Variants in DIPK1A observed in about 807,000 individuals in gnomAD.
DIPK1A encodes family with sequence similarity 69 member A.
DIPK1A carries 27 observed loss-of-function variants against 40.8 expected under a neutral mutation model. That is an observed-to-expected ratio of 0.66 (90% CI 0.49 to 0.91). The LOEUF (loss-of-function observed/expected upper bound fraction) is 0.91. Ranked by LOEUF, DIPK1A falls within the 40% of genes least tolerant of loss-of-function variation. DIPK1A has a pLI of 0.00. For synonymous variants in DIPK1A, 166 were observed against 171.3 expected (o/e 0.97, Z 0.24); for missense variants, 412 against 505.7 (o/e 0.81, Z 1.78).
At chr1:92,877,876 A>G (rs1553127616) in intron 1 of DIPK1A, among the ~76,000 whole-genome samples, 1 of 152,238 alleles carries the variant, frequency 6.6e-6, no homozygotes, top group Non-Finnish European at 1.5e-5. Flanking sequence ...GTGAACCTAA[A>G]TAAGATTAAA....
chr1:92,836,486 A>G (rs1436712742), intron 4 of DIPK1A: 4 of 1,120,070 alleles, frequency 3.6e-6, no homozygotes, highest in East Asian at 2.4e-5. Flanking sequence ...TAAAGTAGCT[A>G]TCAATTGAAT....
At chr1:92,881,172 CAAAAAA>C (rs71094212) in intron 1 of DIPK1A, among the ~76,000 whole-genome samples, 4 of 50,706 alleles carry the variant, frequency 7.9e-5, no homozygotes, top group East Asian at 6.3e-4. Flanking sequence ...GACTCGGTCT[CAAAAAA>C]AAAAAAAAAA....
At chr1:92,839,251 C>T (rs998540827), downstream of DIPK1A, among the ~76,000 whole-genome samples, 2 of 152,004 alleles carry the variant, frequency 1.3e-5, no homozygotes, top group East Asian at 1.9e-4. Context: ...CCCAGCGACT[C>T]GGGAGGCTGA....
chr1:92,944,964 C>G (rs181203985), intron 1 of DIPK1A, among the ~76,000 whole-genome samples: 1 of 151,954 alleles, frequency 6.6e-6, no homozygotes, highest in East Asian at 1.9e-4. Context: ...TGAAAGCACT[C>G]GAAAAGTTTA....
At chr1:92,834,445 GC>G (rs1687038172) in intron 4 of DIPK1A, among the ~76,000 whole-genome samples, 1 of 152,154 alleles carries the variant, frequency 6.6e-6, no homozygotes, top group African/African-American at 2.4e-5. Context: ...ATATTTTGCA[GC>G]AGGTAGGCAC....
At chr1:92,865,237 C>T (rs1309107659) in intron 2 of DIPK1A, among the ~76,000 whole-genome samples, 1 of 151,518 alleles carries the variant, frequency 6.6e-6, no homozygotes, top group Non-Finnish European at 1.5e-5. Context: ...GTAGCTCATG[C>T]CTGTAGTCTC....
At chr1:92,860,717 G>C (rs1647224621) in intron 2 of DIPK1A, among the ~76,000 whole-genome samples, 1 of 150,524 alleles carries the variant, frequency 6.6e-6, no homozygotes, top group Non-Finnish European at 1.5e-5. Flanking sequence ...CCAGGAGGAG[G>C]AGGTTGTAGT....
intron 1 of DIPK1A, among the ~76,000 whole-genome samples, chr1:92,914,163 T>C (rs1649950321): frequency 6.6e-6 from 1 of 151,008 alleles, no homozygotes. Context: ...GAGAAACAGG[T>C]ACCTAAAACA....
intron 1 of DIPK1A, among the ~76,000 whole-genome samples, chr1:92,955,480 C>T (rs913922007): frequency 4.6e-5 from 7 of 151,788 alleles, no homozygotes; most frequent in Non-Finnish European, 8.8e-5. Flanking sequence ...AGGCAGATCA[C>T]GAGGTCAGGA....
At chr1:92,837,048 T>G in intron 4 of DIPK1A, 3 of 286,604 alleles carry the variant, frequency 1.0e-5, no homozygotes, top group South Asian at 1.0e-4. Flanking sequence ...GTGGGGGGAG[T>G]TAGTTGCAAG....
intron 1 of DIPK1A, among the ~76,000 whole-genome samples, chr1:92,941,214 G>T (rs1195130065): frequency 6.6e-6 from 1 of 152,126 alleles, no homozygotes; most frequent in Non-Finnish European, 1.5e-5. Context: ...AATGAAATAG[G>T]ACTCAGCTAT....
intron 1 of DIPK1A, among the ~76,000 whole-genome samples, chr1:92,926,694 C>T (rs1650524951): frequency 6.6e-6 from 1 of 152,188 alleles, no homozygotes; most frequent in Non-Finnish European, 1.5e-5. Context: ...GCTAATTAGG[C>T]ATACATACAT....
At chr1:92,922,820 T>C (rs1463494938) in intron 1 of DIPK1A, among the ~76,000 whole-genome samples, 1 of 152,164 alleles carries the variant, frequency 6.6e-6, no homozygotes. Context: ...CAACACTCTC[T>C]AGTCACAACC....
At chr1:92,927,155 C>T (rs1219103695) in intron 1 of DIPK1A, among the ~76,000 whole-genome samples, 2 of 152,010 alleles carry the variant, frequency 1.3e-5, no homozygotes, top group African/African-American at 4.8e-5. Context: ...ATACAATTCA[C>T]CCATTTAAAG....
At chr1:92,959,810 T>C (rs1008449076) in intron 1 of DIPK1A, among the ~76,000 whole-genome samples, 1 of 149,568 alleles carries the variant, frequency 6.7e-6, no homozygotes, top group African/African-American at 2.5e-5. Context: ...TGCAGTGGCG[T>C]GATCTCAGCT....
intron 1 of DIPK1A, among the ~76,000 whole-genome samples, chr1:92,934,896 C>A (rs1268389129): frequency 6.6e-6 from 1 of 152,170 alleles, no homozygotes; most frequent in East Asian, 1.9e-4. Flanking sequence ...AGATTGATTG[C>A]TGGCTGGCTG....
rs368948119 is a variant in DIPK1A, at chr1:92,864,996, T to G, written c.189+11300A>C. 1.3e-4 allele frequency among the ~76,000 whole-genome samples: 18 copies of G among 134,604 alleles called. No individual in the cohort carries two copies. The South Asian group carries it at 4.0e-3, about 30-fold the overall frequency. 88.3% of individuals were successfully genotyped at this position (134,604 alleles called of 152,430 possible). Reference sequence around the variant, plus strand: ...GGCAGAGGTTGCAATGAGCTGAGATTGCGCCACTGCACTCCAGCCTGGGCT... The same window carrying G: ...GGCAGAGGTTGCAATGAGCTGAGATGGCGCCACTGCACTCCAGCCTGGGCT... On this transcript the variant is annotated intron_variant, in intron 2 of 4. Transcript: ENST00000370310.
rs1376409811 is a variant in DIPK1A at position 92,842,940 on chromosome 1, C to CTTAA, written c.*439_*442dup. 9.1e-6 allele frequency: 9 copies of CTTAA among 989,096 alleles called. No individual in the cohort carries two copies. The African/African-American group carries it at 1.4e-4, about 15-fold the overall frequency. The allele number at this position is 989,096 out of a possible 1,614,324, so 61.3% of individuals were successfully genotyped here. ...AAGCAAGTTTAACCTGCTTTGCAGT[C>CTTAA]TTAATTTCTGTTAATGTGCAAACTT... On this transcript the variant is annotated 3_prime_UTR_variant, in exon 5 of 5. Transcript: ENST00000370310.
chr1:92,856,093 T>TA (rs1250708820), intron 2 of DIPK1A, among the ~76,000 whole-genome samples: 1 of 151,202 alleles, frequency 6.6e-6, no homozygotes, highest in African/African-American at 2.4e-5. Flanking sequence ...AATAAATAAA[T>TA]AAAAATAAAA....
Sources: gnomAD v4.1 joint callset for allele counts (sites outside exome capture counted in the v4.1 genomes callset) on GRCh38, gnomAD v4.1.1 for gene constraint, MANE v1.5 for transcripts, NCBI Gene and HGNC (gene_info 2026-07-23, HGNC 2026-07-21) for gene names.